The following NALF1 variants were observed in gnomAD, a reference collection of about 807,000 sequenced individuals.
NALF1 encodes NALCN channel auxiliary factor 1, also known as family with sequence similarity 155 member A.
NALF1 carries 3 observed loss-of-function variants against 48.4 expected under a neutral mutation model. The ratio of observed to expected loss-of-function variants is 0.06; its 90% CI spans 0.03 to 0.16. The LOEUF (loss-of-function observed/expected upper bound fraction) is 0.16. Among genes scored for constraint, NALF1 ranks in the 10% least tolerant of loss-of-function variants. NALF1 has a pLI of 1.00. For missense variants in NALF1, 526 were observed against 571.5 expected (o/e 0.92, Z 0.81); for synonymous variants, 262 against 245.7 (o/e 1.07, Z -0.62).
In NALF1 at chr13:107,373,231, C is replaced by A. The variant is rs79224908; in HGVS notation, c.916-162476G>T. On this transcript the variant is annotated intron_variant, in intron 1 of 2. Transcript: ENST00000375915. Reference sequence around the variant, plus strand: ...GGAAGAATAGACCTAACAGGAACGTCATATTTTAAAGATCACAAATGAAAA... The same window carrying A: ...GGAAGAATAGACCTAACAGGAACGTAATATTTTAAAGATCACAAATGAAAA... Among the ~76,000 whole-genome samples the A allele has an allele frequency of 1.3e-3, 201 of 152,288 alleles. 4 individuals carry two copies. In the East Asian group the frequency reaches 0.034, roughly 26 times the overall value.
chr13:107,468,478 T>G (rs1264312435), intron 1 of NALF1, among the ~76,000 whole-genome samples: 1 of 152,184 alleles, frequency 6.6e-6, no homozygotes, highest in East Asian at 1.9e-4. Flanking sequence ...CCACAACTGG[T>G]TAAGAGGGGT....
intron 1 of NALF1, among the ~76,000 whole-genome samples, chr13:107,235,079 A>G (rs569668427): frequency 2.6e-5 from 4 of 152,292 alleles, no homozygotes; most frequent in African/African-American, 4.8e-5. Flanking sequence ...TAGCTTTTAC[A>G]TTCTTTTTCT....
intron 1 of NALF1, among the ~76,000 whole-genome samples, chr13:107,679,100 G>C (rs1350714813): frequency 6.6e-6 from 1 of 152,012 alleles, no homozygotes; most frequent in Non-Finnish European, 1.5e-5. Context: ...TTTCTCTCTA[G>C]GCCCATATAT....
At chr13:107,676,587 CATTAA>C (rs1156725141) in intron 1 of NALF1, among the ~76,000 whole-genome samples, 1 of 118,882 alleles carries the variant, frequency 8.4e-6, no homozygotes, top group Non-Finnish European at 1.8e-5. Context: ...ATCATTAAAT[CATTAA>C]ATTAATTTAA....
intron 1 of NALF1, among the ~76,000 whole-genome samples, chr13:107,497,169 AAAGGTTTAAC>A (rs1418871290): frequency 1.3e-5 from 2 of 152,298 alleles, no homozygotes; most frequent in Middle Eastern, 3.4e-3. Flanking sequence ...ACATCCAATA[AAAGGTTTAAC>A]AAGAAGTTAA....
At chr13:107,830,571 G>T (rs898336134) in intron 1 of NALF1, among the ~76,000 whole-genome samples, 1 of 152,168 alleles carries the variant, frequency 6.6e-6, no homozygotes, top group African/African-American at 2.4e-5. Flanking sequence ...TTGGCCATTT[G>T]TGTATCTTTG....
At chr13:107,323,438 T>C (rs527680080) in intron 1 of NALF1, among the ~76,000 whole-genome samples, 128 of 152,350 alleles carry the variant, frequency 8.4e-4, no homozygotes, top group Non-Finnish European at 8.1e-4. Context: ...TTTTTGGAGA[T>C]TGAGGGAATG....
chr13:107,283,448 G>A (rs565739907), intron 1 of NALF1, among the ~76,000 whole-genome samples: 2 of 121,100 alleles, frequency 1.7e-5, no homozygotes, highest in African/African-American at 5.0e-5. Context: ...TGAATGCTGA[G>A]TTAAAAAAAA....
At chr13:107,266,697 C>A (rs1421261339) in intron 1 of NALF1, among the ~76,000 whole-genome samples, 1 of 152,050 alleles carries the variant, frequency 6.6e-6, no homozygotes, top group African/African-American at 2.4e-5. Flanking sequence ...GACCAAAGTC[C>A]CAGCACCTCA....
chr13:107,256,139 T>C (rs1432474555), intron 1 of NALF1, among the ~76,000 whole-genome samples: 1 of 152,214 alleles, frequency 6.6e-6, no homozygotes, highest in East Asian at 1.9e-4. Context: ...AAAAGTTAAA[T>C]TATATAAATT....
chr13:107,438,844 A>AAAAAAAAAG (rs1555301012), intron 1 of NALF1, among the ~76,000 whole-genome samples: 3 of 147,830 alleles, frequency 2.0e-5, no homozygotes, highest in Admixed American at 6.7e-5. Context: ...AAAAAAAAAA[A>AAAAAAAAAG]AAAAAAAGAA....
intron 1 of NALF1, among the ~76,000 whole-genome samples, chr13:107,293,548 T>C (rs186391751): frequency 6.6e-6 from 1 of 152,286 alleles, no homozygotes; most frequent in East Asian, 1.9e-4. Context: ...AACAAAAGGC[T>C]TCCCAGAAGA....
In NALF1 at chr13:107,408,550, A is replaced by G. The variant is rs1196164256; in HGVS notation, c.916-197795T>C. ...GCTGCTAGAGAAGCAGGGCACACAG[A>G]ACAGTGAACAATTCTGAGAGCTAGT... On this transcript the variant is annotated intron_variant, in intron 1 of 2. Coordinates refer to ENST00000375915, the MANE Select transcript of NALF1 (RefSeq NM_001080396.3). 2.0e-5 allele frequency among the ~76,000 whole-genome samples: 3 copies of G among 152,238 alleles called. No individual in the cohort carries two copies. The East Asian group carries it at 5.8e-4, about 29-fold the overall frequency.
At chr13:107,671,989 A>C (rs1406431463) in intron 1 of NALF1, among the ~76,000 whole-genome samples, 1 of 130,474 alleles carries the variant, frequency 7.7e-6, no homozygotes, top group East Asian at 1.9e-4. Context: ...TACAGGGGTA[A>C]AATTGCCTTG....
At position 107,633,231 on chromosome 13, in the gene NALF1, T is replaced by C. The variant is rs9559112; in HGVS notation, c.915+232451A>G. Among the ~76,000 whole-genome samples the C allele has an allele frequency of 0.021, 3,258 of 152,224 alleles. 205 individuals carry two copies. The East Asian group carries it at 0.23, about 11-fold the overall frequency. ...AAATAAGTGTTTAAAGCTCTTCATG[T>C]ATATGAAATACATATATAAAACACA... is the stretch of plus-strand genomic sequence containing the variant. On this transcript the variant is annotated intron_variant, in intron 1 of 2. Coordinates refer to ENST00000375915, the MANE Select transcript of NALF1 (RefSeq NM_001080396.3).
chr13:107,693,309 A>G (rs1160627364), intron 1 of NALF1, among the ~76,000 whole-genome samples: 1 of 91,394 alleles, frequency 1.1e-5, no homozygotes, highest in African/African-American at 4.1e-5. Flanking sequence ...AACACCACAC[A>G]TCAGGGCCTG....
chr13:107,249,694 C>A (rs1346702206), intron 1 of NALF1, among the ~76,000 whole-genome samples: 1 of 152,092 alleles, frequency 6.6e-6, no homozygotes, highest in African/African-American at 2.4e-5. Flanking sequence ...ACTCTAACTT[C>A]CTTCCTTCCC....
chr13:107,764,431 C>G lies in NALF1; in HGVS notation c.915+101251G>C, dbSNP rs541902166. 4.0e-5 allele frequency among the ~76,000 whole-genome samples: 6 copies of G among 151,600 alleles called. No homozygotes were observed. The South Asian group carries it at 1.2e-3, about 31-fold the overall frequency. On this transcript the variant is annotated intron_variant, in intron 1 of 2. Coordinates refer to ENST00000375915, the MANE Select transcript of NALF1 (RefSeq NM_001080396.3). The stretch of plus-strand genomic sequence containing the variant: ...GTGTGTATATATAACACTTATACAT[C>G]TGTGTGTGTGTGTTTGTGCGTACGT...
At chr13:107,234,359 AC>A (rs1880293538) in intron 1 of NALF1, among the ~76,000 whole-genome samples, 1 of 152,208 alleles carries the variant, frequency 6.6e-6, no homozygotes, top group South Asian at 2.1e-4. Flanking sequence ...CAAGACAACA[AC>A]CTGCACAGCA....
Sources: allele counts gnomAD v4.1 joint callset (sites outside exome capture counted in the v4.1 genomes callset), GRCh38; gene constraint gnomAD v4.1.1; transcripts MANE v1.5; gene names NCBI Gene and HGNC (gene_info 2026-07-23, HGNC 2026-07-21).